MICU2: variants seen among roughly 807,000 people sequenced by gnomAD.
MICU2 encodes mitochondrial calcium uptake 2.
Under a neutral mutation model 60.4 loss-of-function variants are expected in MICU2, and 64 were observed. That is an observed-to-expected ratio of 1.06 (90% confidence interval 0.87 to 1.31). The LOEUF (loss-of-function observed/expected upper bound fraction) is 1.31, where lower values mean the gene tolerates loss of function less well. Among genes scored for constraint, MICU2 ranks in the 50% most tolerant of loss-of-function variants. The pLI is 0.00. For missense variants in MICU2, 569 were observed against 531.0 expected (o/e 1.07, Z -0.70); for synonymous variants, 201 against 175.0 (o/e 1.15, Z -1.17).
chr13:21,503,131 T>C, intron 8 of MICU2, 34 bp from the exon 9 acceptor site: 1 of 1,501,912 alleles, frequency 6.7e-7, no homozygotes, highest in South Asian at 1.2e-5. Flanking sequence ...GTAAGGTAAC[T>C]AGTGGCATTC....
intron 2 of MICU2, among the ~76,000 whole-genome samples, chr13:21,544,022 A>C (rs765771079): frequency 3.0e-4 from 46 of 152,136 alleles, no homozygotes; most frequent in Non-Finnish European, 6.0e-4. Flanking sequence ...TCTACAGCCA[A>C]TTGATTTTAG....
chr13:21,539,257 T>C (rs1007182622), intron 4 of MICU2, 45 bp downstream of exon 4: 2 of 1,520,826 alleles, frequency 1.3e-6, no homozygotes, highest in African/African-American at 2.8e-5. Context: ...ATACTTCAGT[T>C]AAATAAAACA....
intron 4 of MICU2, among the ~76,000 whole-genome samples, chr13:21,523,642 G>A (rs955153678): frequency 1.3e-5 from 2 of 152,196 alleles, no homozygotes; most frequent in Non-Finnish European, 2.9e-5. Context: ...GCCAATCACT[G>A]CATTTCTGTG....
chr13:21,576,764 T>A (rs1007370849), intron 1 of MICU2, among the ~76,000 whole-genome samples: 1 of 152,222 alleles, frequency 6.6e-6, no homozygotes. Context: ...TACTGACTGA[T>A]AGCAGTTTGC....
At chr13:21,561,718 TTTA>T (rs1196791602) in intron 2 of MICU2, among the ~76,000 whole-genome samples, 4 of 151,184 alleles carry the variant, frequency 2.6e-5, no homozygotes, top group South Asian at 4.2e-4. Context: ...TCTCTTTTTT[TTTA>T]TTATTATTAT....
intron 7 of MICU2, among the ~76,000 whole-genome samples, chr13:21,512,990 T>C (rs1886470398): frequency 6.6e-6 from 1 of 152,164 alleles, no homozygotes; most frequent in South Asian, 2.1e-4. Context: ...TTTCTGAAAA[T>C]TGTGAATGGT....
chr13:21,512,051 A>G (rs184989054), intron 7 of MICU2, among the ~76,000 whole-genome samples: 2 of 152,178 alleles, frequency 1.3e-5, no homozygotes, highest in Non-Finnish European at 2.9e-5. Context: ...CACAATCACT[A>G]TTTTCCAGAG....
At chr13:21,578,129 A>G (rs1888268683) in intron 1 of MICU2, among the ~76,000 whole-genome samples, 1 of 152,220 alleles carries the variant, frequency 6.6e-6, no homozygotes, top group South Asian at 2.1e-4. Flanking sequence ...TCAAAGCCGT[A>G]GTAACCCTGC....
chr13:21,595,281 A>AC (rs1888668740), intron 1 of MICU2, among the ~76,000 whole-genome samples: 1 of 152,136 alleles, frequency 6.6e-6, no homozygotes, highest in African/African-American at 2.4e-5. Context: ...AGCTGGGATA[A>AC]CTCTGTCCAC....
chr13:21,517,192 C>T lies in MICU2; in HGVS notation c.598-2774G>A, dbSNP rs151216376. Among the ~76,000 whole-genome samples, 255 of 152,280 alleles carry T rather than the reference C, an allele frequency of 1.7e-3. 3 individuals are homozygous for T. The highest frequency in any genetic ancestry group is 5.9e-3 in the African/African-American group (247 of 41,568). On this transcript the variant is annotated intron_variant, in intron 6 of 11. Transcript: ENST00000382374. The stretch of plus-strand genomic sequence containing the variant: ...ATAAAACATGAATATTTACAAAACA[C>T]AAAAGTAACAAACTGAGGCAATCTG...
At chr13:21,539,572 A>C (rs775244851) in intron 3 of MICU2, 85 bp downstream of exon 3, 11 of 1,553,192 alleles carry the variant, frequency 7.1e-6, no homozygotes, top group Non-Finnish European at 9.8e-6. Flanking sequence ...TGCTGGGATT[A>C]CAGGTGTGAG....
At chr13:21,551,543 C>T (rs1241143500) in intron 2 of MICU2, 4 of 150,680 alleles carry the variant, frequency 2.7e-5, no homozygotes, top group Admixed American at 6.6e-5. Context: ...CCCATTAACT[C>T]GTCATTTAGC....
chr13:21,545,173 C>T (rs768970487), intron 2 of MICU2, among the ~76,000 whole-genome samples: 8 of 152,124 alleles, frequency 5.3e-5, no homozygotes, highest in Non-Finnish European at 1.2e-4. Flanking sequence ...ACAGCCAAGA[C>T]ATGGAATCAA....
rs1313919641 is a variant in MICU2 at position 21,603,935 on chromosome 13, G to A, written c.210+4C>T. Reference sequence around the variant, plus strand: ...GGGGCTAGCAGAAGGAGTTAGTCCTGTACCTGTGCGGAGACTGTAAAACTG... The same window carrying A: ...GGGGCTAGCAGAAGGAGTTAGTCCTATACCTGTGCGGAGACTGTAAAACTG... On this transcript the variant is annotated splice_donor_region_variant and intron_variant, in intron 1 of 11. Transcript: ENST00000382374. The A allele has an allele frequency of 1.9e-6, 3 of 1,612,192 alleles. No individual in the cohort carries two copies. The highest frequency in any genetic ancestry group is 4.5e-5 in the East Asian group (2 of 44,800).
intron 2 of MICU2, among the ~76,000 whole-genome samples, chr13:21,548,087 A>T (rs1265451505): frequency 6.6e-6 from 1 of 152,252 alleles, no homozygotes; most frequent in Non-Finnish European, 1.5e-5. Flanking sequence ...AACCAATTAA[A>T]TAAATTATGG....
intron 1 of MICU2, among the ~76,000 whole-genome samples, chr13:21,572,176 A>G (rs1043830375): frequency 2.6e-5 from 4 of 152,264 alleles, no homozygotes; most frequent in African/African-American, 9.6e-5. Flanking sequence ...AGAGAAAAAT[A>G]ATACAAAACA....
At chr13:21,570,370 A>G (rs1460337586) in intron 1 of MICU2, among the ~76,000 whole-genome samples, 1 of 152,190 alleles carries the variant, frequency 6.6e-6, no homozygotes, top group Non-Finnish European at 1.5e-5. Flanking sequence ...CTTATTTCAT[A>G]GAATTTGGAA....
intron 5 of MICU2, among the ~76,000 whole-genome samples, chr13:21,522,396 G>A (rs1364864369): frequency 6.6e-6 from 1 of 152,194 alleles, no homozygotes; most frequent in Non-Finnish European, 1.5e-5. Flanking sequence ...CTATTAAAGA[G>A]ACAAAGCTAT....
At chr13:21,516,463 C>T (rs1886572301) in intron 6 of MICU2, among the ~76,000 whole-genome samples, 2 of 152,122 alleles carry the variant, frequency 1.3e-5, no homozygotes, top group African/African-American at 2.4e-5. Context: ...TATTCAATCA[C>T]CTGTTGATAG....
Sources: gnomAD v4.1 joint callset for allele counts (sites outside exome capture counted in the v4.1 genomes callset) on GRCh38, gnomAD v4.1.1 for gene constraint, MANE v1.5 for transcripts, NCBI Gene and HGNC (gene_info 2026-07-23, HGNC 2026-07-21) for gene names.